The following FAM107B variants were observed in gnomAD, a reference collection of about 807,000 sequenced individuals.
FAM107B encodes the protein family with sequence similarity 107 member B.
A neutral mutation model predicts 31.5 loss-of-function variants in FAM107B; 21 were observed. The ratio of observed to expected loss-of-function variants is 0.67; its 90% CI spans 0.47 to 0.96. The LOEUF (loss-of-function observed/expected upper bound fraction) is 0.96, where lower values mean the gene tolerates loss of function less well. Among genes scored for constraint, FAM107B ranks in the 40% least tolerant of loss-of-function variants. The probability of loss-of-function intolerance (pLI) is 0.00; values close to 1 mark genes in which losing one functional copy is unlikely to be tolerated. For synonymous variants in FAM107B, 157 were observed against 141.5 expected, an observed-to-expected ratio of 1.11 and a Z score of -0.78; for missense variants, 452 against 377.1, an observed-to-expected ratio of 1.20 and a Z score of -1.64.
intron 1 of FAM107B, among the ~76,000 whole-genome samples, chr10:14,686,437 G>T (rs1270644809): frequency 6.6e-6 from 1 of 151,904 alleles, no homozygotes; most frequent in Admixed American, 6.6e-5. Flanking sequence ...ATTTGGGCGG[G>T]GACACAGCCA....
chr10:14,722,185 T>C (rs74879217), intron 1 of FAM107B, among the ~76,000 whole-genome samples: 7,313 of 152,308 alleles, frequency 0.048, 293 homozygotes, highest in African/African-American at 0.11. Context: ...CTATTAGCAG[T>C]CATTCCCCAT....
Position 14,760,734 on chromosome 10 carries a change from C to T in FAM107B, c.411+13519G>A, listed in dbSNP as rs11259316. Among the ~76,000 whole-genome samples the T allele has an allele frequency of 6.7e-3, 1,015 of 152,172 alleles. 11 individuals are homozygous for T. The highest frequency in any genetic ancestry group is 0.024 in the African/African-American group (978 of 41,518). ...ATGTAATCTTGCACTTAATGGGTTA[C>T]TGTCTAAATTGGAGAGCAAAGCCAA... On this transcript the variant is annotated intron_variant, in intron 1 of 4. Coordinates refer to ENST00000181796, the MANE Select transcript of FAM107B (RefSeq NM_031453.4).
intron 1 of FAM107B, among the ~76,000 whole-genome samples, chr10:14,724,774 G>A (rs1027549761): frequency 6.6e-6 from 1 of 151,964 alleles, no homozygotes; most frequent in East Asian, 1.9e-4. Context: ...TGAAGGAAAC[G>A]ACAGAAGCTC....
intron 2 of FAM107B, among the ~76,000 whole-genome samples, chr10:14,536,124 G>A (rs1033746849): frequency 2.6e-5 from 4 of 152,204 alleles, no homozygotes; most frequent in Admixed American, 2.6e-4. Flanking sequence ...TCAAAGAGAT[G>A]AATTCAAAAC....
chr10:14,685,135 T>C (rs1854947674), intron 1 of FAM107B, among the ~76,000 whole-genome samples: 1 of 130,568 alleles, frequency 7.7e-6, no homozygotes, highest in Non-Finnish European at 1.6e-5. Flanking sequence ...GCCAATAACA[T>C]CCTTTTATTT....
intron 2 of FAM107B, among the ~76,000 whole-genome samples, chr10:14,607,381 A>G (rs1389591980): frequency 6.6e-6 from 1 of 152,236 alleles, no homozygotes; most frequent in Non-Finnish European, 1.5e-5. Flanking sequence ...TAATTCAGGT[A>G]AGATCAAGTA....
intron 3 of FAM107B, among the ~76,000 whole-genome samples, chr10:14,528,931 T>G (rs1351329774): frequency 6.6e-6 from 1 of 152,216 alleles, no homozygotes; most frequent in Admixed American, 6.5e-5. Flanking sequence ...TTTCATAGAT[T>G]TTCCTAGAAG....
chr10:14,761,360 T>A (rs1833044422), intron 1 of FAM107B, among the ~76,000 whole-genome samples: 1 of 152,226 alleles, frequency 6.6e-6, no homozygotes, highest in Admixed American at 6.5e-5. Flanking sequence ...CATTTAATAT[T>A]TATCTCATTT....
At chr10:14,577,777 C>T (rs899400411) in intron 2 of FAM107B, among the ~76,000 whole-genome samples, 41 of 152,264 alleles carry the variant, frequency 2.7e-4, no homozygotes, top group Middle Eastern at 3.4e-3. Flanking sequence ...TGTTTTTAAC[C>T]CCCAATGTGA....
intron 1 of FAM107B, among the ~76,000 whole-genome samples, chr10:14,747,615 A>T (rs902646513): frequency 6.6e-6 from 1 of 152,132 alleles, no homozygotes. Context: ...TTCCTCCCAC[A>T]CCTGGAGGTG....
intron 2 of FAM107B, among the ~76,000 whole-genome samples, chr10:14,595,171 T>C (rs752114667): frequency 2.0e-5 from 3 of 152,108 alleles, no homozygotes; most frequent in Non-Finnish European, 4.4e-5. Context: ...CTTATAAAGT[T>C]ACTAAAAATT....
At chr10:14,626,499 CTTTTTTTTCT>C (rs1027561665) in intron 2 of FAM107B, among the ~76,000 whole-genome samples, 1 of 109,042 alleles carries the variant, frequency 9.2e-6, no homozygotes, top group Admixed American at 1.2e-4. Context: ...TGAGGCGGAT[CTTTTTTTTCT>C]TTTTTTTTTT....
Position 14,580,618 on chromosome 10 carries a change from G to A in FAM107B, c.470-50103C>T, listed in dbSNP as rs961602507. Among the ~76,000 whole-genome samples, 10 of 152,054 alleles carry A rather than the reference G, an allele frequency of 6.6e-5. No homozygotes were observed. The East Asian group carries it at 9.7e-4, about 15-fold the overall frequency. On this transcript the variant is annotated intron_variant, in intron 2 of 4. Transcript: ENST00000181796. ...CATGGAATGTTACACAAGGAACAGC[G>A]CACTACAGCATGGACAAAAGCCTTT...
chr10:14,649,472 G>C (rs1853845085), intron 2 of FAM107B, among the ~76,000 whole-genome samples: 1 of 152,136 alleles, frequency 6.6e-6, no homozygotes, highest in African/African-American at 2.4e-5. Flanking sequence ...TCTGAAGCCT[G>C]CTATCTGGAG....
intron 2 of FAM107B, among the ~76,000 whole-genome samples, chr10:14,629,822 A>G (rs1030920711): frequency 6.6e-6 from 1 of 151,838 alleles, no homozygotes; most frequent in Non-Finnish European, 1.5e-5. Flanking sequence ...CATAAAAATA[A>G]TTTTTAAAAT....
chr10:14,756,139 A>T (rs1465228470), intron 1 of FAM107B, among the ~76,000 whole-genome samples: 1 of 152,188 alleles, frequency 6.6e-6, no homozygotes, highest in African/African-American at 2.4e-5. Context: ...GATCAATAAA[A>T]TCAAAATCAG....
intron 2 of FAM107B, among the ~76,000 whole-genome samples, chr10:14,657,436 G>A (rs914967447): frequency 2.6e-5 from 4 of 152,234 alleles, no homozygotes; most frequent in East Asian, 1.9e-4. Context: ...AGGAAGTCTC[G>A]TTCACTTCAG....
rs557789899 is a variant in FAM107B, at chr10:14,548,283, A to G, written c.470-17768T>C. On this transcript the variant is annotated intron_variant, in intron 2 of 4. Transcript: ENST00000181796. ...GCGACAGACGCACCCGAGGGTCAAC[A>G]ACTGGGAACACGGACACCCTGGGGG... 1.1e-4 allele frequency among the ~76,000 whole-genome samples: 16 copies of G among 152,204 alleles called. No homozygotes were observed. The South Asian group carries it at 1.9e-3, about 18-fold the overall frequency.
intron 2 of FAM107B, among the ~76,000 whole-genome samples, chr10:14,582,877 G>A (rs1260502522): frequency 1.3e-5 from 2 of 152,090 alleles, no homozygotes; most frequent in Non-Finnish European, 2.9e-5. Context: ...CCTGAGGTCA[G>A]GAGTTCGAGA....
Sources: allele counts gnomAD v4.1 joint callset (sites outside exome capture counted in the v4.1 genomes callset), GRCh38; gene constraint gnomAD v4.1.1; transcripts MANE v1.5; gene names NCBI Gene and HGNC (gene_info 2026-07-23, HGNC 2026-07-21).